The following BIRC6 variants were observed in gnomAD, a reference collection of about 807,000 sequenced individuals.
The protein encoded by BIRC6 is dual E2 ubiquitin-conjugating enzyme/E3 ubiquitin-protein ligase BIRC6.
Under a neutral mutation model 503.3 loss-of-function variants are expected in BIRC6, and 98 were observed. The ratio of observed to expected loss-of-function variants is 0.19; its 90% CI spans 0.17 to 0.23. The LOEUF (loss-of-function observed/expected upper bound fraction) is 0.23. Ranked by LOEUF, BIRC6 falls within the 10% of genes least tolerant of loss-of-function variation. The probability of loss-of-function intolerance (pLI) is 1.00; values close to 1 mark genes in which losing one functional copy is unlikely to be tolerated. For synonymous variants in BIRC6, 2,240 were observed against 2,078.7 expected (o/e 1.08, Z -2.11); for missense variants, 5,360 against 5,806.0 (o/e 0.92, Z 2.50).
chr2:32,497,393 G>C (rs1558892776), intron 45 of BIRC6, among the ~76,000 whole-genome samples: 2 of 152,186 alleles, frequency 1.3e-5, no homozygotes. Flanking sequence ...TTTATAACTT[G>C]CTGAATTTAT....
chr2:32,575,636 G>T (rs1404262469), intron 66 of BIRC6, among the ~76,000 whole-genome samples: 1 of 151,950 alleles, frequency 6.6e-6, no homozygotes, highest in African/African-American at 2.4e-5. Flanking sequence ...ATGGTGGCGG[G>T]CACCTGTAGT....
intron 8 of BIRC6, among the ~76,000 whole-genome samples, chr2:32,405,404 T>A (rs1273672129): frequency 6.6e-6 from 1 of 152,196 alleles, no homozygotes; most frequent in Non-Finnish European, 1.5e-5. Flanking sequence ...TTCAAAAATA[T>A]ATAAGTGAAT....
intron 61 of BIRC6, among the ~76,000 whole-genome samples, chr2:32,542,099 C>T (rs2057706287): frequency 6.6e-6 from 1 of 151,656 alleles, no homozygotes; most frequent in South Asian, 2.1e-4. Context: ...TTGAAGAATA[C>T]ATGCTAGAAA....
chr2:32,479,359 G>A, intron 36 of BIRC6, 103 bp from the exon 37 acceptor site: 1 of 1,099,326 alleles, frequency 9.1e-7, no homozygotes, highest in East Asian at 2.6e-5. Flanking sequence ...AGTTAGTAGA[G>A]CATTTATTCT....
chr2:32,541,398 G>A (rs2057652379), intron 61 of BIRC6, among the ~76,000 whole-genome samples: 1 of 152,034 alleles, frequency 6.6e-6, no homozygotes, highest in Non-Finnish European at 1.5e-5. Context: ...TGCATGTAGT[G>A]TAGCCGTAGA....
At position 32,439,430 on chromosome 2, in the gene BIRC6, T is replaced by C. The variant is rs1172319340; in HGVS notation, c.3632-78T>C. The C allele has an allele frequency of 1.7e-5, 23 of 1,371,002 alleles. No homozygotes were observed. The East Asian group carries it at 5.4e-4, about 32-fold the overall frequency. 84.9% of individuals were successfully genotyped at this position (1,371,002 alleles called of 1,614,324 possible). A position where few individuals can be genotyped will look rare whatever the true frequency, so the allele number is the denominator to read the frequency against. ...TACTTTTTGTGGAGTTAGTTGTTGA[T>C]CTTGTTCTATGAAGATGAAAAACAG... On this transcript the variant is annotated intron_variant, in intron 15 of 73. Transcript: ENST00000421745.
chr2:32,472,641 T>G (rs1262882960), intron 32 of BIRC6, among the ~76,000 whole-genome samples: 1 of 152,110 alleles, frequency 6.6e-6, no homozygotes, highest in Admixed American at 6.5e-5. Flanking sequence ...TCTGGAAATA[T>G]TCCAAAAAAG....
intron 57 of BIRC6, among the ~76,000 whole-genome samples, chr2:32,521,480 T>G (rs2055694576): frequency 6.6e-6 from 1 of 151,636 alleles, no homozygotes; most frequent in African/African-American, 2.4e-5. Flanking sequence ...TGTTTTTTGT[T>G]TTTTGTTTTG....
chr2:32,537,919 A>T (rs887216700), intron 61 of BIRC6, among the ~76,000 whole-genome samples: 1 of 151,924 alleles, frequency 6.6e-6, no homozygotes, highest in African/African-American at 2.4e-5. Flanking sequence ...GTGAGCCAAG[A>T]TCGCACCACT....
chr2:32,560,133 C>T (rs1359793792), intron 65 of BIRC6, among the ~76,000 whole-genome samples: 1 of 152,160 alleles, frequency 6.6e-6, no homozygotes, highest in Non-Finnish European at 1.5e-5. Flanking sequence ...GAAAAGCATA[C>T]TTACGTAACT....
At chr2:32,394,503 CCTT>C (rs1004968645) in intron 5 of BIRC6, among the ~76,000 whole-genome samples, 6 of 151,798 alleles carry the variant, frequency 4.0e-5, no homozygotes, top group Non-Finnish European at 8.8e-5. Flanking sequence ...TTTTACTTGC[CCTT>C]CTTGTTCAGT....
intron 8 of BIRC6, among the ~76,000 whole-genome samples, chr2:32,403,022 C>T (rs1573963617): frequency 6.6e-6 from 1 of 152,304 alleles, no homozygotes; most frequent in Middle Eastern, 3.4e-3. Flanking sequence ...GAGGTAATCT[C>T]TACTTGCTTT....
chr2:32,489,340 C>G (rs2051400174), intron 42 of BIRC6, among the ~76,000 whole-genome samples: 1 of 152,068 alleles, frequency 6.6e-6, no homozygotes, highest in Non-Finnish European at 1.5e-5. Flanking sequence ...GCCAGCTCCA[C>G]TGAGTCACGC....
intron 3 of BIRC6, 53 bp from the exon 4 acceptor site, chr2:32,388,697 G>T: frequency 7.8e-7 from 1 of 1,279,336 alleles, no homozygotes; most frequent in Non-Finnish European, 1.1e-6. Context: ...TTATGATTTT[G>T]GTTAAAACTG....
Position 32,614,757 on chromosome 2 carries a change from G to A in BIRC6, c.14395-2968G>A, listed in dbSNP as rs113598802. Among the ~76,000 whole-genome samples, 328 of 152,280 alleles carry A rather than the reference G, an allele frequency of 2.2e-3. 1 individual carries two copies. Among genetic ancestry groups the A allele is most frequent in the Admixed American group, 4.9e-3 (75 of 15,294 alleles). The stretch of plus-strand genomic sequence containing the variant: ...TGAGGCAGGAAAATCGCCTGAACCC[G>A]GGAGGTGGAGGTTGCAGTGAGCTGA... On this transcript the variant is annotated intron_variant, in intron 73 of 73. Transcript: ENST00000421745.
chr2:32,357,569 AGCGAGATG>A lies in BIRC6; in HGVS notation c.325+90_325+97del. On this transcript the variant is annotated intron_variant, in intron 1 of 73. Coordinates refer to ENST00000421745, the MANE Select transcript of BIRC6 (RefSeq NM_016252.4). This position sits in a 1 kb window ranked among gnomAD's most constrained non-coding sequence, Gnocchi z 4.9. Reference sequence around the variant, plus strand: ...GGGGCTCGGCCTCGCGACTCGGGGAAGCGAGATGGCGAGAGGGCAGGGCTGGGGGTTCG... The same window carrying A: ...GGGGCTCGGCCTCGCGACTCGGGGAAGCGAGAGGGCAGGGCTGGGGGTTCG... 6.7e-7 allele frequency: 1 copy of A among 1,501,088 alleles called. No homozygotes were observed. Among genetic ancestry groups the A allele is most frequent in the Non-Finnish European group, 8.8e-7 (1 of 1,130,452 alleles). The allele number at this position is 1,501,088 out of a possible 1,614,324, so 93.0% of individuals were successfully genotyped here. A position where few individuals can be genotyped will look rare whatever the true frequency, so the allele number is the denominator to read the frequency against.
intron 20 of BIRC6, 92 bp downstream of exon 20, chr2:32,443,680 AT>A (rs2148363023): frequency 9.9e-7 from 1 of 1,009,610 alleles, no homozygotes; most frequent in African/African-American, 1.7e-5. Context: ...CTTTTTCTCT[AT>A]TAAAGTTCAC....
chr2:32,603,789 A>C (rs933741980), intron 71 of BIRC6, among the ~76,000 whole-genome samples: 5 of 151,958 alleles, frequency 3.3e-5, no homozygotes, highest in Non-Finnish European at 7.4e-5. Flanking sequence ...AAAAGTCTTT[A>C]CTCTGAAAAT....
intron 57 of BIRC6, among the ~76,000 whole-genome samples, chr2:32,521,365 CAAAAAAAAAAAA>C (rs35410265): frequency 1.1e-3 from 23 of 21,518 alleles, no homozygotes; most frequent in South Asian, 3.9e-3. Context: ...GACCTCATCT[CAAAAAAAAAAAA>C]AAAAAAAAAA....
Sources: gnomAD v4.1 joint callset for allele counts (sites outside exome capture counted in the v4.1 genomes callset) on GRCh38, gnomAD v4.1.1 for gene constraint, Gnocchi (gnomAD v3.1) non-coding constraint, MANE v1.5 for transcripts, NCBI Gene and HGNC (gene_info 2026-07-23, HGNC 2026-07-21) for gene names.